Variants in CENPW observed in about 807,000 individuals in gnomAD.
CENPW encodes cancer-up-regulated gene 2 protein.
In CENPW, 3 loss-of-function variants were observed where a neutral mutation model predicts 11.1. That is an observed-to-expected ratio of 0.27 (90% CI 0.12 to 0.70). The LOEUF (loss-of-function observed/expected upper bound fraction) is 0.70, where lower values mean the gene tolerates loss of function less well. Among genes scored for constraint, CENPW ranks in the 30% least tolerant of loss-of-function variants. CENPW has a pLI of 0.77. For missense variants in CENPW, 100 were observed against 105.6 expected, an observed-to-expected ratio of 0.95 and a Z score of 0.23; for synonymous variants, 38 against 42.0, an observed-to-expected ratio of 0.91 and a Z score of 0.37.
the CENPW span, among the ~76,000 whole-genome samples, chr6:126,437,708 T>G: frequency 3.1e-4 from 47 of 151,894 alleles, no homozygotes; most frequent in African/African-American, 1.1e-3. Context: ...TGACCTTTTA[T>G]TTTTTTCAAA....
the CENPW span, among the ~76,000 whole-genome samples, chr6:126,434,697 T>C: frequency 6.6e-6 from 1 of 151,998 alleles, no homozygotes; most frequent in South Asian, 2.1e-4. Context: ...TCACATCTTC[T>C]AGTAAAACAT....
At chr6:126,478,189 C>T in the CENPW span, among the ~76,000 whole-genome samples, 13 of 152,024 alleles carry the variant, frequency 8.6e-5, 1 homozygote, top group Middle Eastern at 0.014. Flanking sequence ...TTCTCCCTGA[C>T]TTAATTGACT....
the CENPW span, among the ~76,000 whole-genome samples, chr6:126,433,900 T>A: frequency 6.6e-6 from 1 of 152,138 alleles, no homozygotes. Context: ...TTTGGAAGTA[T>A]GCCTTTATAT....
chr6:126,441,947 C>A, the CENPW span, among the ~76,000 whole-genome samples: 1 of 151,622 alleles, frequency 6.6e-6, no homozygotes, highest in East Asian at 1.9e-4. Flanking sequence ...ATAATGACTT[C>A]TTTTCCTCTG....
At chr6:126,374,115 T>C in the CENPW span, among the ~76,000 whole-genome samples, 1 of 152,138 alleles carries the variant, frequency 6.6e-6, no homozygotes, top group East Asian at 1.9e-4. Context: ...GGATCCTCTG[T>C]TGGGAAGAAC....
At chr6:126,424,490 A>G in the CENPW span, among the ~76,000 whole-genome samples, 1 of 152,126 alleles carries the variant, frequency 6.6e-6, no homozygotes, top group Non-Finnish European at 1.5e-5. Context: ...ATATGCACCT[A>G]TGTGAACTTG....
chr6:126,383,507 G>A, the CENPW span, among the ~76,000 whole-genome samples: 1 of 151,912 alleles, frequency 6.6e-6, no homozygotes, highest in Non-Finnish European at 1.5e-5. Flanking sequence ...AAAACCCAAT[G>A]GGATGCTGTC....
the CENPW span, among the ~76,000 whole-genome samples, chr6:126,475,919 G>A: frequency 1.3e-5 from 2 of 151,832 alleles, no homozygotes; most frequent in Admixed American, 6.6e-5. Context: ...TGCCACTAAC[G>A]CCCTAATTTT....
At chr6:126,380,176 CA>C in the CENPW span, among the ~76,000 whole-genome samples, 16 of 152,268 alleles carry the variant, frequency 1.1e-4, no homozygotes, top group East Asian at 1.5e-3. Flanking sequence ...GAGTGGGAAC[CA>C]AAGTCCAAGC....
the CENPW span, among the ~76,000 whole-genome samples, chr6:126,399,056 T>C: frequency 3.3e-5 from 5 of 152,054 alleles, no homozygotes; most frequent in Non-Finnish European, 7.4e-5. Flanking sequence ...TCCAGTTAAC[T>C]GCTGTTGGGC....
At chr6:126,472,600 A>C in the CENPW span, among the ~76,000 whole-genome samples, 1 of 152,232 alleles carries the variant, frequency 6.6e-6, no homozygotes, top group Non-Finnish European at 1.5e-5. Flanking sequence ...TGGGCCTGTT[A>C]GAAATAAAAC....
At chr6:126,420,888 T>C in the CENPW span, among the ~76,000 whole-genome samples, 4 of 152,152 alleles carry the variant, frequency 2.6e-5, no homozygotes, top group Non-Finnish European at 5.9e-5. Flanking sequence ...TTGCTCTTTT[T>C]TTTTATTTTT....
the CENPW span, among the ~76,000 whole-genome samples, chr6:126,390,207 A>G: frequency 6.6e-6 from 1 of 151,890 alleles, no homozygotes; most frequent in Non-Finnish European, 1.5e-5. Context: ...CCATACCAAT[A>G]TCATCTTTCC....
chr6:126,354,084 G>C, the CENPW span, among the ~76,000 whole-genome samples: 1 of 149,650 alleles, frequency 6.7e-6, no homozygotes, highest in Non-Finnish European at 1.5e-5. Context: ...CTTGGCTTTT[G>C]ATCATGTAGT....
chr6:126,390,345 A>G, the CENPW span, among the ~76,000 whole-genome samples: 1 of 151,884 alleles, frequency 6.6e-6, no homozygotes, highest in African/African-American at 2.4e-5. Flanking sequence ...TTGTGGGTAC[A>G]TAGCAGGTGT....
At chr6:126,415,595 G>C in the CENPW span, among the ~76,000 whole-genome samples, 6 of 152,068 alleles carry the variant, frequency 3.9e-5, no homozygotes, top group Non-Finnish European at 8.8e-5. Flanking sequence ...ATCTCCTCTT[G>C]AATTCCCATG....
At chr6:126,454,331 C>T in the CENPW span, among the ~76,000 whole-genome samples, 1 of 151,246 alleles carries the variant, frequency 6.6e-6, no homozygotes, top group East Asian at 1.9e-4. Flanking sequence ...ATAAAACAGT[C>T]CTCAGCAAAT....
chr6:126,352,171 C>T (rs1780499125), downstream of CENPW, among the ~76,000 whole-genome samples: 1 of 152,152 alleles, frequency 6.6e-6, no homozygotes, highest in African/African-American at 2.4e-5. Flanking sequence ...CACAGGCACA[C>T]ATGTGCTGCT....
the CENPW span, among the ~76,000 whole-genome samples, chr6:126,408,703 A>C: frequency 6.6e-6 from 1 of 152,012 alleles, no homozygotes; most frequent in African/African-American, 2.4e-5. Flanking sequence ...CTGGTTCAAT[A>C]TTGTTAGGTT....
Sources: gnomAD v4.1 joint callset for allele counts (sites outside exome capture counted in the v4.1 genomes callset) on GRCh38, gnomAD v4.1.1 for gene constraint, MANE v1.5 for transcripts, NCBI Gene and HGNC (gene_info 2026-07-23, HGNC 2026-07-21) for gene names.